Variants in EPB41L4B observed in about 807,000 individuals in gnomAD.
The protein encoded by EPB41L4B is band 4.1-like protein 4B.
In EPB41L4B, 30 loss-of-function variants were observed where a neutral mutation model predicts 112.5. The ratio of observed to expected loss-of-function variants is 0.27; its 90% CI spans 0.20 to 0.36. The LOEUF (loss-of-function observed/expected upper bound fraction) is 0.36, where lower values mean the gene tolerates loss of function less well. Among genes scored for constraint, EPB41L4B ranks in the 10% least tolerant of loss-of-function variants. The pLI is 1.00. For missense variants in EPB41L4B, 1,024 were observed against 1,133.3 expected, an observed-to-expected ratio of 0.90 and a Z score of 1.38; for synonymous variants, 408 against 439.7, an observed-to-expected ratio of 0.93 and a Z score of 0.90.
chr9:109,226,571 G>C lies in EPB41L4B; in HGVS notation c.1410-9426C>G, dbSNP rs547236124. On this transcript the variant is annotated intron_variant, in intron 15 of 25. Transcript: ENST00000374566. ...TAGTTTCAGTTTTCGGATTGCCCAT[G>C]ACTTATATACAATCAAAACCTCTCT... is the stretch of plus-strand genomic sequence containing the variant. 9.0e-5 allele frequency among the ~76,000 whole-genome samples: 13 copies of C among 145,098 alleles called. No individual in the cohort carries two copies. The Admixed American group carries it at 9.1e-4, about 10-fold the overall frequency.
intron 20 of EPB41L4B, 54 bp from the exon 21 acceptor site, chr9:109,194,451 G>A: frequency 6.4e-7 from 1 of 1,574,230 alleles, no homozygotes; most frequent in South Asian, 1.2e-5. Context: ...TAAACAGGCT[G>A]TGAGGAGTGG....
At chr9:109,196,718 GAAAAAAA>G in intron 20 of EPB41L4B, among the ~76,000 whole-genome samples, 1 of 84,658 alleles carries the variant, frequency 1.2e-5, no homozygotes, top group African/African-American at 4.2e-5. Flanking sequence ...CCTTGTCTCC[GAAAAAAA>G]AAAAAAAAAA....
chr9:109,241,844 A>C, intron 15 of EPB41L4B: 2 of 1,606,184 alleles, frequency 1.2e-6, no homozygotes. Flanking sequence ...TTAGTGGGAG[A>C]ATGGAAGAAA....
At chr9:109,308,805 C>A (rs1202268372) in intron 1 of EPB41L4B, among the ~76,000 whole-genome samples, 1 of 152,154 alleles carries the variant, frequency 6.6e-6, no homozygotes, top group Non-Finnish European at 1.5e-5. Flanking sequence ...AGGCCAGGCA[C>A]GGAGACTCAT....
chr9:109,183,719 C>T (rs980247858), intron 23 of EPB41L4B, among the ~76,000 whole-genome samples: 2 of 152,168 alleles, frequency 1.3e-5, no homozygotes, highest in South Asian at 2.1e-4. Context: ...CCATACCACC[C>T]GCCAGCAGAG....
chr9:109,313,431 T>TGG (rs140446476), intron 1 of EPB41L4B, among the ~76,000 whole-genome samples: 2 of 151,952 alleles, frequency 1.3e-5, no homozygotes, highest in East Asian at 1.9e-4. Context: ...ATTAGGGTGG[T>TGG]GGGGGGGCAC....
At chr9:109,207,870 G>A in intron 18 of EPB41L4B, 54 bp downstream of exon 18, 2 of 1,607,596 alleles carry the variant, frequency 1.2e-6, no homozygotes, top group South Asian at 1.1e-5. Flanking sequence ...CTTCTCTGTG[G>A]CATCGAGGAA....
At chr9:109,236,756 G>C (rs896576697) in intron 15 of EPB41L4B, among the ~76,000 whole-genome samples, 5 of 152,112 alleles carry the variant, frequency 3.3e-5, no homozygotes, top group African/African-American at 1.2e-4. Flanking sequence ...ATATCCCCAG[G>C]GTTTCTTACA....
At chr9:109,198,203 T>C (rs1025328772) in intron 20 of EPB41L4B, among the ~76,000 whole-genome samples, 1 of 152,198 alleles carries the variant, frequency 6.6e-6, no homozygotes, top group African/African-American at 2.4e-5. Context: ...AGACCTGAGA[T>C]GGCTGTTAGA....
intron 22 of EPB41L4B, among the ~76,000 whole-genome samples, chr9:109,190,703 T>A (rs1588123738): frequency 6.6e-6 from 1 of 152,152 alleles, no homozygotes; most frequent in Admixed American, 6.5e-5. Context: ...AGAGTCTAGG[T>A]TCTAGAACTG....
chr9:109,189,185 T>C (rs1832371548), intron 22 of EPB41L4B, among the ~76,000 whole-genome samples: 1 of 152,128 alleles, frequency 6.6e-6, no homozygotes, highest in African/African-American at 2.4e-5. Flanking sequence ...TCAGATCTGA[T>C]TACGAACTCT....
chr9:109,311,572 C>T (rs1000265742), intron 1 of EPB41L4B, among the ~76,000 whole-genome samples: 1 of 152,226 alleles, frequency 6.6e-6, no homozygotes, highest in Non-Finnish European at 1.5e-5. Flanking sequence ...GCTGGGCACT[C>T]AGCCAGCTAT....
intron 15 of EPB41L4B, among the ~76,000 whole-genome samples, chr9:109,219,365 TC>T (rs1174779253): frequency 1.3e-5 from 2 of 152,232 alleles, no homozygotes; most frequent in Non-Finnish European, 2.9e-5. Context: ...TTGTCCATTT[TC>T]TTTCCTTTTT....
At chr9:109,271,107 G>A (rs1289445896) in intron 2 of EPB41L4B, among the ~76,000 whole-genome samples, 1 of 152,214 alleles carries the variant, frequency 6.6e-6, no homozygotes, top group Non-Finnish European at 1.5e-5. Context: ...TCCAAGAGGT[G>A]AAATGGCCAA....
chr9:109,197,132 A>G (rs1206880062), intron 20 of EPB41L4B, among the ~76,000 whole-genome samples: 1 of 152,164 alleles, frequency 6.6e-6, no homozygotes, highest in African/African-American at 2.4e-5. Flanking sequence ...AGTTAAAGAG[A>G]TGGGCAAAGG....
chr9:109,260,134 A>G (rs1835144203), intron 6 of EPB41L4B, among the ~76,000 whole-genome samples: 1 of 151,298 alleles, frequency 6.6e-6, no homozygotes, highest in East Asian at 2.0e-4. Flanking sequence ...TGGCGTGATC[A>G]CAGCTCTCTG....
intron 22 of EPB41L4B, among the ~76,000 whole-genome samples, chr9:109,188,246 T>C (rs189693136): frequency 1.3e-5 from 2 of 151,474 alleles, no homozygotes; most frequent in East Asian, 2.0e-4. Context: ...GGAGGAGGAG[T>C]AGACTTTAGT....
At chr9:109,290,761 C>G (rs1385576877) in intron 1 of EPB41L4B, among the ~76,000 whole-genome samples, 1 of 149,288 alleles carries the variant, frequency 6.7e-6, no homozygotes, top group Non-Finnish European at 1.5e-5. Context: ...ATACCTCACA[C>G]ACACACACAC....
In EPB41L4B at chr9:109,200,285, G is replaced by T; in HGVS notation, c.1996C>A (p.Pro666Thr). The change falls in exon 20 of 26, where the codon CCG (proline) becomes ACG (threonine). Residue 666 changes from proline to threonine, a missense_variant. Coordinates refer to ENST00000374566, the MANE Select transcript of EPB41L4B (RefSeq NM_019114.5). ...CTCACTCGGGGAGGCTTGATTTCCG[G>T]CTTTTCCACAGCTGGCTGGGCAGTT... Reference protein sequence around the residue: ...VETAQPAVEKPEIKPPRVRKL... With the variant: ...VETAQPAVEKTEIKPPRVRKL... The T allele has an allele frequency of 6.2e-7, 1 of 1,614,100 alleles. No homozygotes were observed.
Sources: allele counts gnomAD v4.1 joint callset (sites outside exome capture counted in the v4.1 genomes callset), GRCh38; gene constraint gnomAD v4.1.1; transcripts MANE v1.5; gene names NCBI Gene and HGNC (gene_info 2026-07-23, HGNC 2026-07-21).